Variants in DLG5 observed in about 807,000 individuals in gnomAD.
DLG5 encodes discs large MAGUK scaffold protein 5, also known as disks large homolog 5.
Under a neutral mutation model 189.8 loss-of-function variants are expected in DLG5, and 48 were observed. That is an observed-to-expected ratio of 0.25 (90% CI 0.20 to 0.32). The LOEUF (loss-of-function observed/expected upper bound fraction) is 0.32, where lower values mean the gene tolerates loss of function less well. Among genes scored for constraint, DLG5 ranks in the 10% least tolerant of loss-of-function variants. The pLI is 1.00. For synonymous variants in DLG5, 1,016 were observed against 1,054.1 expected (o/e 0.96, Z 0.70); for missense variants, 2,160 against 2,544.7 (o/e 0.85, Z 3.25).
At chr10:77,868,843 T>C in intron 2 of DLG5, 1 of 459,630 alleles carries the variant, frequency 2.2e-6, no homozygotes, top group South Asian at 2.3e-5. Flanking sequence ...GCCTTTGGGG[T>C]TGGGGTGGGG....
chr10:77,841,806 C>T, intron 7 of DLG5, 75 bp downstream of exon 7: 3 of 1,524,568 alleles, frequency 2.0e-6, no homozygotes, highest in South Asian at 1.2e-5. Context: ...AATCCGGACA[C>T]CACGCACTCT....
At chr10:77,823,112 A>G (rs1842449284) in intron 14 of DLG5, among the ~76,000 whole-genome samples, 1 of 152,238 alleles carries the variant, frequency 6.6e-6, no homozygotes, top group Non-Finnish European at 1.5e-5. Flanking sequence ...CGCATGTACT[A>G]ACTACACTAA....
chr10:77,821,352 G>A lies in DLG5; in HGVS notation c.3132C>T (p.Ser1044=). ...SEATLVGSSP[S]TSPPSALPPD... is the part of the protein sequence containing the mutation. ...GGGGCAGGGCGCTCGGGGGACTAGT[G>A]GATGGGGAGCTGCCCACCAGAGTGG... The change falls in exon 15 of 32, where the codon TCC becomes TCT. Residue 1044 remains serine (S), a synonymous_variant. Transcript: ENST00000372391. 1 of 1,612,890 alleles carries A rather than the reference G, an allele frequency of 6.2e-7. No homozygotes were observed. Among genetic ancestry groups the A allele is most frequent in the Non-Finnish European group, 8.5e-7 (1 of 1,180,002 alleles).
chr10:77,883,464 C>A (rs1295010250), intron 1 of DLG5, among the ~76,000 whole-genome samples: 1 of 152,074 alleles, frequency 6.6e-6, no homozygotes, highest in East Asian at 1.9e-4. Flanking sequence ...GAATGTGGCA[C>A]CACAGAGAAA....
intron 2 of DLG5, among the ~76,000 whole-genome samples, chr10:77,865,484 A>G (rs1287363511): frequency 2.0e-5 from 3 of 152,162 alleles, no homozygotes; most frequent in Non-Finnish European, 2.9e-5. Flanking sequence ...TCTCCATTTA[A>G]TAAGAAATCT....
chr10:77,835,698 G>T (rs771626831), intron 8 of DLG5, 40 bp downstream of exon 8: 4 of 1,571,624 alleles, frequency 2.5e-6, no homozygotes, highest in Admixed American at 3.4e-5. Context: ...CCTCATCCTG[G>T]GGAGACGCAA....
At chr10:77,826,533 G>A (rs1247727735) in intron 13 of DLG5, among the ~76,000 whole-genome samples, 1 of 152,204 alleles carries the variant, frequency 6.6e-6, no homozygotes, top group Admixed American at 6.5e-5. Flanking sequence ...GGTGGCTGAG[G>A]CAGGAGAATC....
At chr10:77,919,436 C>T (rs1846468639) in intron 1 of DLG5, among the ~76,000 whole-genome samples, 1 of 151,610 alleles carries the variant, frequency 6.6e-6, no homozygotes, top group African/African-American at 2.4e-5. Flanking sequence ...CTCAAAACCC[C>T]ACAGGAATGA....
In DLG5 at chr10:77,852,942, C is replaced by T. The variant is rs1844052969; in HGVS notation, c.864+412G>A. On this transcript the variant is annotated intron_variant, in intron 5 of 31. Transcript: ENST00000372391. ...TCTTTCCACTAAGAGGGCCGGGAAA[C>T]AGTGCCAACCCAAGCTACAAGCACA... Among the ~76,000 whole-genome samples, 11 of 152,232 alleles carry T rather than the reference C, an allele frequency of 7.2e-5. No homozygotes were observed. In the South Asian group the frequency reaches 2.3e-3, roughly 32 times the overall value.
intron 1 of DLG5, among the ~76,000 whole-genome samples, chr10:77,875,012 T>C (rs60706223): frequency 7.5e-4 from 114 of 152,368 alleles, no homozygotes; most frequent in African/African-American, 2.5e-3. Flanking sequence ...GCACTTTGCA[T>C]GTATTGCCTC....
At position 77,793,220 on chromosome 10, in the gene DLG5, T is replaced by C. The variant is rs1206107459; in HGVS notation, c.5657-677A>G. 4 of 152,638 alleles carry C rather than the reference T, an allele frequency of 2.6e-5. No homozygotes were observed. In the East Asian group the frequency reaches 5.8e-4, roughly 22 times the overall value. The allele number at this position is 152,638 out of a possible 1,614,324, so 9.5% of individuals were successfully genotyped here. A position where few individuals can be genotyped will look rare whatever the true frequency, so the allele number is the denominator to read the frequency against. ...ATCTCTCTAGGAATTGTCAGTGTAT[T>C]TGGCTAAATACCAGTCTGTGAGGAA... On this transcript the variant is annotated intron_variant, in intron 31 of 31. Transcript: ENST00000372391.
chr10:77,821,585 G>T lies in DLG5; in HGVS notation c.2899C>A (p.Pro967Thr). 5 of 1,613,060 alleles carry T rather than the reference G, an allele frequency of 3.1e-6. No individual in the cohort carries two copies. The highest frequency in any genetic ancestry group is 4.2e-6 in the Non-Finnish European group (5 of 1,180,040). The change falls in exon 15 of 32, where the codon CCA (proline) becomes ACA (threonine). Residue 967 changes from proline to threonine, a missense_variant. Pro to Thr is a conservative substitution (Grantham distance 38). This residue lies in a region of DLG5 where 754 missense variants were observed against 746.5 expected (regional missense o/e 1.01). Coordinates refer to ENST00000372391, the MANE Select transcript of DLG5 (RefSeq NM_004747.4). The part of the protein sequence containing the change: ...VPEKLSVYKK[P>T]KQRKSIFDPN... ...TCAAAGATGGACTTTCTTTGCTTTG[G>T]CTTTTTATAAACAGAGAGCTTCTCA...
In DLG5 at chr10:77,882,031, G is replaced by A. The variant is rs573189736; in HGVS notation, c.305-12834C>T. Among the ~76,000 whole-genome samples, 50 of 152,328 alleles carry A rather than the reference G, an allele frequency of 3.3e-4. 1 individual carries two copies. The highest frequency in any genetic ancestry group is 1.5e-5 in the Non-Finnish European group (1 of 68,030). On this transcript the variant is annotated intron_variant, in intron 1 of 31. Coordinates refer to ENST00000372391, the MANE Select transcript of DLG5 (RefSeq NM_004747.4). The stretch of plus-strand genomic sequence containing the variant: ...ACACTGCCCTCCTCATCTACTTCGT[G>A]GGCTGCATTGAGAATCACTGACCAC...
At chr10:77,826,038 C>T (rs1349682235) in intron 13 of DLG5, among the ~76,000 whole-genome samples, 2 of 152,134 alleles carry the variant, frequency 1.3e-5, no homozygotes, top group Non-Finnish European at 2.9e-5. Flanking sequence ...CAATGAGTTC[C>T]CCCACACACT....
intron 9 of DLG5, among the ~76,000 whole-genome samples, chr10:77,832,346 C>T (rs1449715772): frequency 6.6e-6 from 1 of 152,236 alleles, no homozygotes; most frequent in African/African-American, 2.4e-5. Flanking sequence ...TGGGCCCAGG[C>T]TGCCTTGCCA....
Position 77,848,745 on chromosome 10 carries a change from A to G in DLG5, c.864+4609T>C, listed in dbSNP as rs1843814853. Among the ~76,000 whole-genome samples the G allele has an allele frequency of 9.9e-5, 15 of 152,020 alleles. 2 individuals are homozygous for G. In the South Asian group the frequency reaches 3.1e-3, roughly 32 times the overall value. ...GCAGGTTTCAGGGAATAAAAATTAAACTATATGGGTATTAAATGTGACATT... is the reference window on the plus strand; with the variant it reads ...GCAGGTTTCAGGGAATAAAAATTAAGCTATATGGGTATTAAATGTGACATT... On this transcript the variant is annotated intron_variant, in intron 5 of 31. Coordinates refer to ENST00000372391, the MANE Select transcript of DLG5 (RefSeq NM_004747.4).
At chr10:77,823,404 T>C (rs1842461768) in intron 14 of DLG5, among the ~76,000 whole-genome samples, 1 of 152,232 alleles carries the variant, frequency 6.6e-6, no homozygotes, top group Admixed American at 6.5e-5. Flanking sequence ...TAGAAAAGTA[T>C]AATAAATGTC....
chr10:77,854,496 C>T (rs1408082220), intron 3 of DLG5, 126 bp from the exon 4 acceptor site: 1 of 1,260,718 alleles, frequency 7.9e-7, no homozygotes, highest in Admixed American at 2.4e-5. Context: ...CCACACACAC[C>T]TGGGTGTTTG....
At chr10:77,792,593 G>C in intron 31 of DLG5, 50 bp from the exon 32 acceptor site, 2 of 1,567,144 alleles carry the variant, frequency 1.3e-6, no homozygotes, top group Non-Finnish European at 1.8e-6. Context: ...TAAGACCCCA[G>C]GTTTGAGGCA....
Sources: allele counts gnomAD v4.1 joint callset (sites outside exome capture counted in the v4.1 genomes callset), GRCh38; gene constraint gnomAD v4.1.1; regional missense constraint gnomAD v4.1.1; transcripts MANE v1.5; gene names NCBI Gene and HGNC (gene_info 2026-07-23, HGNC 2026-07-21).